The following SHANK2 variants were observed in gnomAD, a reference collection of about 807,000 sequenced individuals.
SHANK2 encodes the protein SH3 and multiple ankyrin repeat domains protein 2.
Under a neutral mutation model 133.7 loss-of-function variants are expected in SHANK2, and 43 were observed. The observed-to-expected ratio is 0.32, with a 90% CI of 0.25 to 0.41. The LOEUF (loss-of-function observed/expected upper bound fraction) is 0.41, where lower values mean the gene tolerates loss of function less well. Among genes scored for constraint, SHANK2 ranks in the 10% least tolerant of loss-of-function variants. SHANK2 has a pLI of 1.00. For missense variants in SHANK2, 1,994 were observed against 2,235.8 expected, an observed-to-expected ratio of 0.89 and a Z score of 2.18; for synonymous variants, 1,017 against 952.8, an observed-to-expected ratio of 1.07 and a Z score of -1.24.
intron 11 of SHANK2, among the ~76,000 whole-genome samples, chr11:70,868,213 G>A (rs1445490472): frequency 6.6e-6 from 1 of 152,200 alleles, no homozygotes; most frequent in East Asian, 1.9e-4. Flanking sequence ...TGCAGGTGAA[G>A]AAGGTGGGTC....
intron 2 of SHANK2, among the ~76,000 whole-genome samples, chr11:71,220,306 A>C (rs1450057342): frequency 6.6e-6 from 1 of 152,218 alleles, no homozygotes; most frequent in Non-Finnish European, 1.5e-5. Flanking sequence ...GGGAAATTGG[A>C]ACCTTTGAGC....
chr11:71,087,849 G>A (rs1018637753), intron 8 of SHANK2, among the ~76,000 whole-genome samples: 15 of 152,022 alleles, frequency 9.9e-5, no homozygotes, highest in East Asian at 1.9e-4. Context: ...GGCTGGTCTC[G>A]AACTGCTGGC....
At chr11:71,092,302 C>T in intron 8 of SHANK2, 120 bp downstream of exon 8, 2 of 1,076,902 alleles carry the variant, frequency 1.9e-6, no homozygotes, top group Non-Finnish European at 2.7e-6. Context: ...TCTGGGCAGG[C>T]CAAACAAAAT....
intron 17 of SHANK2, among the ~76,000 whole-genome samples, chr11:70,644,350 C>A (rs984504918): frequency 6.6e-6 from 1 of 152,182 alleles, no homozygotes; most frequent in South Asian, 2.1e-4. Context: ...CCCCCGACAC[C>A]CACCATCCTA....
At chr11:70,715,691 T>C (rs1945899190) in intron 14 of SHANK2, among the ~76,000 whole-genome samples, 1 of 152,172 alleles carries the variant, frequency 6.6e-6, no homozygotes, top group African/African-American at 2.4e-5. Flanking sequence ...TTAGAGTAAA[T>C]GGATGAATCT....
chr11:70,746,885 A>C lies in SHANK2; in HGVS notation c.1778-48122T>G, dbSNP rs377351911. Among the ~76,000 whole-genome samples the C allele has an allele frequency of 5.9e-5, 9 of 151,688 alleles. No homozygotes were observed. In the East Asian group the frequency reaches 1.6e-3, roughly 26 times the overall value. ...TGGGCTCTCCAGATCTCTCTGCCAC[A>C]GCCCCTGGGGATGAGGGTGGCTTGT... On this transcript the variant is annotated intron_variant, in intron 14 of 25. Coordinates refer to ENST00000601538, the MANE Select transcript of SHANK2 (RefSeq NM_012309.5).
At chr11:71,140,791 C>T (rs1418738461) in intron 3 of SHANK2, among the ~76,000 whole-genome samples, 2 of 151,336 alleles carry the variant, frequency 1.3e-5, no homozygotes, top group Admixed American at 1.3e-4. Context: ...GCGAGGGAGA[C>T]GTGCTTCTGA....
chr11:70,797,796 T>C (rs1312283886), intron 14 of SHANK2, among the ~76,000 whole-genome samples: 1 of 150,600 alleles, frequency 6.6e-6, no homozygotes, highest in Non-Finnish European at 1.5e-5. Context: ...TTTCTTCTTA[T>C]AAGACACTTA....
intron 1 of SHANK2, among the ~76,000 whole-genome samples, chr11:71,241,339 GA>G (rs1954888855): frequency 1.3e-5 from 2 of 152,084 alleles, no homozygotes; most frequent in African/African-American, 4.8e-5. Flanking sequence ...TTTTTTAAGT[GA>G]CTATTAAGGA....
chr11:71,218,804 G>A (rs1954473197), intron 2 of SHANK2, among the ~76,000 whole-genome samples: 1 of 152,186 alleles, frequency 6.6e-6, no homozygotes, highest in Non-Finnish European at 1.5e-5. Flanking sequence ...TAACTAACTG[G>A]GAAGGAAGCC....
chr11:71,216,324 T>G (rs72957173), intron 2 of SHANK2, among the ~76,000 whole-genome samples: 4 of 152,242 alleles, frequency 2.6e-5, no homozygotes, highest in Non-Finnish European at 4.4e-5. Context: ...CTAAACGTGG[T>G]CAAGCCTTGA....
chr11:70,569,275 C>T lies in SHANK2; in HGVS notation c.2062-66344G>A, dbSNP rs1027331429. Among the ~76,000 whole-genome samples the T allele has an allele frequency of 2.0e-5, 3 of 152,224 alleles. No homozygotes were observed. Among genetic ancestry groups the T allele is most frequent in the Admixed American group, 2.0e-4 (3 of 15,294 alleles). ...CCCCAGGGGAGGCTGGTGGCTAAGC[C>T]ATGCCGCTGGGGTCCTGGGGGGTCA... On this transcript the variant is annotated intron_variant, in intron 17 of 25. Transcript: ENST00000601538. The surrounding 1 kb of genome is among the most constrained non-coding windows in gnomAD (Gnocchi z 5.1).
intron 2 of SHANK2, among the ~76,000 whole-genome samples, chr11:71,151,839 G>A (rs1352696623): frequency 6.6e-6 from 1 of 152,072 alleles, no homozygotes; most frequent in Admixed American, 6.5e-5. Context: ...TGTGTAGGAA[G>A]CCCCCCCTCA....
chr11:70,537,591 G>T (rs2136007604), intron 17 of SHANK2, among the ~76,000 whole-genome samples: 1 of 152,338 alleles, frequency 6.6e-6, no homozygotes, highest in South Asian at 2.1e-4. Context: ...CCTGGCTGCA[G>T]CCCTGTGAGG....
intron 11 of SHANK2, among the ~76,000 whole-genome samples, chr11:70,870,660 C>T (rs1380020066): frequency 6.6e-6 from 1 of 152,198 alleles, no homozygotes; most frequent in South Asian, 2.1e-4. Flanking sequence ...CTCCCAGTGG[C>T]CTGTAGGCAA....
At chr11:71,160,827 C>T (rs1364168424) in intron 2 of SHANK2, among the ~76,000 whole-genome samples, 8 of 152,188 alleles carry the variant, frequency 5.3e-5, no homozygotes, top group Non-Finnish European at 2.9e-5. Context: ...TATTTCAGCT[C>T]CAGCAATGAC....
intron 1 of SHANK2, among the ~76,000 whole-genome samples, chr11:71,236,056 C>A (rs1954822736): frequency 6.6e-6 from 1 of 152,190 alleles, no homozygotes; most frequent in African/African-American, 2.4e-5. Context: ...CCTGCTCAGC[C>A]TCCTCCGCCC....
intron 10 of SHANK2, among the ~76,000 whole-genome samples, chr11:70,914,968 C>T (rs1950250159): frequency 6.6e-6 from 1 of 150,798 alleles, no homozygotes. Flanking sequence ...TAACTGGAAA[C>T]AGCAGGAATC....
chr11:70,923,675 A>C (rs1258011463), intron 10 of SHANK2, among the ~76,000 whole-genome samples: 2 of 152,188 alleles, frequency 1.3e-5, no homozygotes, highest in African/African-American at 2.4e-5. Context: ...CAGCCTCTCA[A>C]GTAGCTGGGA....
Sources: allele counts gnomAD v4.1 joint callset (sites outside exome capture counted in the v4.1 genomes callset), GRCh38; gene constraint gnomAD v4.1.1; non-coding constraint Gnocchi (gnomAD v3.1); transcripts MANE v1.5; gene names NCBI Gene and HGNC (gene_info 2026-07-23, HGNC 2026-07-21).